Variants in BICC1 observed in about 807,000 individuals in gnomAD.
The protein encoded by BICC1 is protein bicaudal C homolog 1.
BICC1 carries 43 observed loss-of-function variants against 111.0 expected under a neutral mutation model. The ratio of observed to expected loss-of-function variants is 0.39; its 90% CI spans 0.30 to 0.50. The LOEUF (loss-of-function observed/expected upper bound fraction) is 0.50, where lower values mean the gene tolerates loss of function less well. Among genes scored for constraint, BICC1 ranks in the 20% least tolerant of loss-of-function variants. The probability of loss-of-function intolerance (pLI) is 0.88; values close to 1 mark genes in which losing one functional copy is unlikely to be tolerated. For missense variants in BICC1, 1,091 were observed against 1,203.2 expected, an observed-to-expected ratio of 0.91 and a Z score of 1.38; for synonymous variants, 467 against 434.4, an observed-to-expected ratio of 1.07 and a Z score of -0.93.
At chr10:58,635,409 AAT>A (rs1374551108) in intron 2 of BICC1, among the ~76,000 whole-genome samples, 1 of 152,048 alleles carries the variant, frequency 6.6e-6, no homozygotes, top group Non-Finnish European at 1.5e-5. Context: ...AAAATTAAAC[AAT>A]CAGTGAATCA....
chr10:58,636,893 C>G (rs568294994), intron 2 of BICC1, among the ~76,000 whole-genome samples: 2 of 151,810 alleles, frequency 1.3e-5, no homozygotes, highest in African/African-American at 2.4e-5. Context: ...TGAGCAAATG[C>G]GAGAGATGAT....
intron 17 of BICC1, among the ~76,000 whole-genome samples, chr10:58,807,878 C>G (rs1372757046): frequency 1.3e-5 from 2 of 152,036 alleles, no homozygotes; most frequent in Non-Finnish European, 2.9e-5. Flanking sequence ...CTGTACACAC[C>G]CAAACATGGA....
At chr10:58,703,362 A>G (rs1840296861) in intron 3 of BICC1, among the ~76,000 whole-genome samples, 1 of 151,716 alleles carries the variant, frequency 6.6e-6, no homozygotes, top group Non-Finnish European at 1.5e-5. Context: ...GTTTCACTAT[A>G]TGTTGCTCAG....
intron 3 of BICC1, among the ~76,000 whole-genome samples, chr10:58,718,706 T>A (rs1475982104): frequency 1.3e-5 from 2 of 151,938 alleles, no homozygotes; most frequent in Non-Finnish European, 2.9e-5. Flanking sequence ...AAATAAATTA[T>A]CTAAAGACTA....
intron 2 of BICC1, among the ~76,000 whole-genome samples, chr10:58,658,032 T>G (rs888017161): frequency 6.7e-6 from 1 of 149,056 alleles, no homozygotes; most frequent in African/African-American, 2.5e-5. Context: ...GTGGTAACTG[T>G]GATTACCTAA....
At chr10:58,790,028 A>T in intron 8 of BICC1, 95 bp downstream of exon 8, 4 of 1,383,768 alleles carry the variant, frequency 2.9e-6, no homozygotes, top group Non-Finnish European at 4.0e-6. Context: ...TATTTAGGAA[A>T]GCACTTCGGA....
intron 1 of BICC1, among the ~76,000 whole-genome samples, chr10:58,539,578 C>T (rs1393289684): frequency 6.6e-6 from 1 of 151,610 alleles, no homozygotes; most frequent in Non-Finnish European, 1.5e-5. Flanking sequence ...GATGAAAGGG[C>T]CAATTCACCA....
chr10:58,553,803 T>C (rs917972100), intron 1 of BICC1, among the ~76,000 whole-genome samples: 1 of 151,988 alleles, frequency 6.6e-6, no homozygotes, highest in Non-Finnish European at 1.5e-5. Context: ...AACACTTCTT[T>C]GTCATTTTCA....
chr10:58,706,750 C>T (rs536931997), intron 3 of BICC1, among the ~76,000 whole-genome samples: 89 of 152,266 alleles, frequency 5.8e-4, no homozygotes, highest in Admixed American at 4.3e-3. Context: ...GTAAGATGTG[C>T]CTGCTTTCCC....
rs575888789 is a variant in BICC1, at chr10:58,583,245, A to G, written c.191-37610A>G. ...ATTTCTTAAAATTTTTTTTTATTTC[A>G]ATAGGTTTTTGGGGAACCTTGGTGA... On this transcript the variant is annotated intron_variant, in intron 1 of 20. Coordinates refer to ENST00000373886, the MANE Select transcript of BICC1 (RefSeq NM_001080512.3). Among the ~76,000 whole-genome samples the G allele has an allele frequency of 2.0e-5, 3 of 152,060 alleles. No individual in the cohort carries two copies. The East Asian group carries it at 5.8e-4, about 29-fold the overall frequency.
chr10:58,783,241 C>T (rs1449218519), intron 3 of BICC1, among the ~76,000 whole-genome samples: 1 of 152,088 alleles, frequency 6.6e-6, no homozygotes, highest in Admixed American at 6.5e-5. Flanking sequence ...AAATTAGGCA[C>T]AGCTGCTGGA....
chr10:58,682,030 A>C (rs1589014106), intron 2 of BICC1, among the ~76,000 whole-genome samples: 5 of 50,142 alleles, frequency 1.0e-4, no homozygotes, highest in South Asian at 7.3e-4. Context: ...CCCCCACCCC[A>C]TGACAGGCCC....
At chr10:58,520,376 C>A (rs551281217) in intron 1 of BICC1, among the ~76,000 whole-genome samples, 1 of 152,106 alleles carries the variant, frequency 6.6e-6, no homozygotes. Flanking sequence ...TAATCCTTAT[C>A]GTACTACCAT....
chr10:58,670,183 A>G (rs896601845), intron 2 of BICC1, among the ~76,000 whole-genome samples: 1 of 152,126 alleles, frequency 6.6e-6, no homozygotes, highest in African/African-American at 2.4e-5. Context: ...CTGTTCATCA[A>G]TCCATCTTAT....
At chr10:58,528,556 T>C (rs905825603) in intron 1 of BICC1, among the ~76,000 whole-genome samples, 1 of 151,960 alleles carries the variant, frequency 6.6e-6, no homozygotes, top group Non-Finnish European at 1.5e-5. Flanking sequence ...TAATCCATTC[T>C]CAAAATTAAG....
intron 8 of BICC1, among the ~76,000 whole-genome samples, chr10:58,790,279 CA>C (rs10712140): frequency 0.45 from 61,802 of 138,540 alleles, 12,658 homozygotes; most frequent in Admixed American, 0.55. Flanking sequence ...TTGTATTTGG[CA>C]AAAAAAAAAA....
chr10:58,715,202 C>T (rs1462459159), intron 3 of BICC1, among the ~76,000 whole-genome samples: 1 of 152,120 alleles, frequency 6.6e-6, no homozygotes, highest in Non-Finnish European at 1.5e-5. Flanking sequence ...TTGGTACTGA[C>T]ATTTTTATCA....
intron 2 of BICC1, among the ~76,000 whole-genome samples, chr10:58,646,208 G>C (rs1158056699): frequency 6.6e-6 from 1 of 152,008 alleles, no homozygotes; most frequent in Non-Finnish European, 1.5e-5. Flanking sequence ...CTAATAGATG[G>C]GAAATGCAGA....
chr10:58,784,883 A>G (rs1589135405), intron 3 of BICC1, 118 bp from the exon 4 acceptor site: 3 of 407,764 alleles, frequency 7.4e-6, no homozygotes, highest in African/African-American at 2.1e-5. Flanking sequence ...TAATCTCCAA[A>G]TGTTGAGTTT....
Sources: gnomAD v4.1 joint callset for allele counts (sites outside exome capture counted in the v4.1 genomes callset) on GRCh38, gnomAD v4.1.1 for gene constraint, MANE v1.5 for transcripts, NCBI Gene and HGNC (gene_info 2026-07-23, HGNC 2026-07-21) for gene names.